Variants in AGBL4 observed in about 807,000 individuals in gnomAD.
The protein encoded by AGBL4 is AGBL carboxypeptidase 4.
AGBL4 carries 58 observed loss-of-function variants against 66.4 expected under a neutral mutation model. The ratio of observed to expected loss-of-function variants is 0.87; its 90% CI spans 0.71 to 1.09. The LOEUF (loss-of-function observed/expected upper bound fraction) is 1.09, where lower values mean the gene tolerates loss of function less well. Ranked by LOEUF, AGBL4 falls within the 50% of genes least tolerant of loss-of-function variation. The pLI is 0.00. For synonymous variants in AGBL4, 234 were observed against 222.9 expected, an observed-to-expected ratio of 1.05 and a Z score of -0.44; for missense variants, 579 against 631.0, an observed-to-expected ratio of 0.92 and a Z score of 0.88.
At chr1:48,816,076 T>TA (rs1570739186) in intron 6 of AGBL4, among the ~76,000 whole-genome samples, 1 of 150,440 alleles carries the variant, frequency 6.6e-6, no homozygotes, top group Admixed American at 6.7e-5. Context: ...TGTGTGTGTG[T>TA]GTGTGTGTGT....
At chr1:49,435,510 A>T (rs1227041071) in intron 3 of AGBL4, among the ~76,000 whole-genome samples, 1 of 152,174 alleles carries the variant, frequency 6.6e-6, no homozygotes, top group African/African-American at 2.4e-5. Flanking sequence ...TCCTTCAAGT[A>T]CTTTGTTGGT....
At chr1:48,738,389 C>G (rs538848498) in intron 6 of AGBL4, among the ~76,000 whole-genome samples, 4 of 152,336 alleles carry the variant, frequency 2.6e-5, no homozygotes, top group African/African-American at 9.6e-5. Flanking sequence ...AGATAAGCAG[C>G]CTTGGAGTGA....
intron 5 of AGBL4, among the ~76,000 whole-genome samples, chr1:48,938,563 A>G (rs1222832316): frequency 9.2e-5 from 14 of 152,204 alleles, no homozygotes; most frequent in Admixed American, 9.2e-4. Context: ...GACTATTCCA[A>G]GTCAGGAACC....
chr1:48,686,906 G>A (rs1646541450), intron 6 of AGBL4, among the ~76,000 whole-genome samples: 2 of 152,230 alleles, frequency 1.3e-5, no homozygotes, highest in African/African-American at 4.8e-5. Flanking sequence ...ACAAGGATTG[G>A]GGGTCGCCCT....
intron 5 of AGBL4, among the ~76,000 whole-genome samples, chr1:48,986,972 GTTAA>G (rs1660225429): frequency 6.6e-6 from 1 of 152,060 alleles, no homozygotes; most frequent in East Asian, 1.9e-4. Context: ...AATGGAAGTA[GTTAA>G]TTAGTTATTT....
At chr1:48,610,158 G>T (rs1645214578) in intron 9 of AGBL4, among the ~76,000 whole-genome samples, 1 of 152,172 alleles carries the variant, frequency 6.6e-6, no homozygotes, top group African/African-American at 2.4e-5. Context: ...TAGTGGAGAA[G>T]CTGCTGCTGC....
At chr1:49,841,959 G>T in intron 2 of AGBL4, 1 of 550,566 alleles carries the variant, frequency 1.8e-6, no homozygotes. Context: ...CCTCCACCTC[G>T]TACCTGGCCT....
At chr1:49,449,449 G>A (rs1475160285) in intron 3 of AGBL4, among the ~76,000 whole-genome samples, 1 of 152,010 alleles carries the variant, frequency 6.6e-6, no homozygotes. Context: ...GCTGAAATTG[G>A]AACATGTGTG....
chr1:48,776,775 C>G (rs1267856882), intron 6 of AGBL4: 13 of 1,524,338 alleles, frequency 8.5e-6, no homozygotes, highest in South Asian at 7.4e-5. Flanking sequence ...CGCGCACGCA[C>G]GACACGGGCA....
intron 2 of AGBL4, among the ~76,000 whole-genome samples, chr1:49,792,476 G>C (rs1028507309): frequency 2.6e-5 from 4 of 151,936 alleles, no homozygotes; most frequent in African/African-American, 7.2e-5. Context: ...ATTTTGTGGA[G>C]ATGAAAAGTA....
intron 5 of AGBL4, among the ~76,000 whole-genome samples, chr1:48,975,036 T>G (rs185478756): frequency 2.3e-3 from 352 of 152,208 alleles, no homozygotes; most frequent in African/African-American, 7.8e-3. Flanking sequence ...AGGAGGAAGT[T>G]GCAAGTGCCA....
intron 1 of AGBL4, among the ~76,000 whole-genome samples, chr1:49,855,499 C>T (rs750542242): frequency 6.6e-5 from 10 of 152,064 alleles, no homozygotes; most frequent in South Asian, 4.1e-4. Context: ...ATCATATGTT[C>T]GGTCACAAAA....
chr1:49,672,343 G>A (rs371545587), intron 3 of AGBL4, among the ~76,000 whole-genome samples: 1 of 151,890 alleles, frequency 6.6e-6, no homozygotes. Context: ...TCTACTTGAG[G>A]GGGGAGGGTG....
intron 3 of AGBL4, among the ~76,000 whole-genome samples, chr1:49,484,726 A>G (rs917027458): frequency 6.6e-6 from 1 of 152,032 alleles, no homozygotes; most frequent in Non-Finnish European, 1.5e-5. Flanking sequence ...TTAATTGTAC[A>G]TTTAAAGATA....
At chr1:48,755,305 C>T (rs183436273) in intron 6 of AGBL4, among the ~76,000 whole-genome samples, 85 of 152,280 alleles carry the variant, frequency 5.6e-4, no homozygotes, top group Middle Eastern at 3.4e-3. Flanking sequence ...CCCACTACCT[C>T]GGTGAGTAAA....
At chr1:49,399,094 A>T (rs932595439) in intron 3 of AGBL4, among the ~76,000 whole-genome samples, 19 of 152,120 alleles carry the variant, frequency 1.2e-4, no homozygotes, top group African/African-American at 4.6e-4. Flanking sequence ...GAAAACATGT[A>T]AAGTTTGTCT....
intron 2 of AGBL4, among the ~76,000 whole-genome samples, chr1:49,813,517 G>T (rs148914732): frequency 6.6e-6 from 1 of 151,994 alleles, no homozygotes; most frequent in African/African-American, 2.4e-5. Context: ...CTCCCTCCTT[G>T]GTGACTCTAT....
At position 48,837,628 on chromosome 1, in the gene AGBL4, G is replaced by A. The variant is rs566213886; in HGVS notation, c.634+29563C>T. On this transcript the variant is annotated intron_variant, in intron 6 of 13. Transcript: ENST00000371839. ...TCAGCTTGCAGATGGCCTATTGTGG[G>A]GCCTTGTGATTGTGTGAGTTAATAT... 3.2e-3 allele frequency among the ~76,000 whole-genome samples: 480 copies of A among 149,628 alleles called. 1 individual carries two copies. The Middle Eastern group carries it at 0.035, about 11-fold the overall frequency.
chr1:48,574,294 T>A lies in AGBL4; in HGVS notation c.1267+12710A>T, dbSNP rs144239697. 5.2e-3 allele frequency among the ~76,000 whole-genome samples: 797 copies of A among 152,276 alleles called. 18 individuals are homozygous for A. Among genetic ancestry groups the A allele is most frequent in the South Asian group, 0.051 (248 of 4,816 alleles). On this transcript the variant is annotated intron_variant, in intron 11 of 13. Coordinates refer to ENST00000371839, the MANE Select transcript of AGBL4 (RefSeq NM_032785.4). ...CTAGAGGCTGAGACTGGTCCTGGCT[T>A]AGGATACGAACACAGAGACAAAATG... is the stretch of plus-strand genomic sequence containing the variant.
Sources: gnomAD v4.1 joint callset for allele counts (sites outside exome capture counted in the v4.1 genomes callset) on GRCh38, gnomAD v4.1.1 for gene constraint, MANE v1.5 for transcripts, NCBI Gene and HGNC (gene_info 2026-07-23, HGNC 2026-07-21) for gene names.